Variants in WRN observed in about 807,000 individuals in gnomAD.
The protein encoded by WRN is bifunctional 3'-5' exonuclease/ATP-dependent helicase WRN.
WRN carries 149 observed loss-of-function variants against 180.7 expected under a neutral mutation model. The observed-to-expected ratio is 0.82, with a 90% CI of 0.72 to 0.94. The LOEUF (loss-of-function observed/expected upper bound fraction) is 0.94, where lower values mean the gene tolerates loss of function less well. WRN is among the 40% of genes least tolerant of loss of function. WRN has a pLI of 0.00. For synonymous variants in WRN, 548 were observed against 568.9 expected, an observed-to-expected ratio of 0.96 and a Z score of 0.52; for missense variants, 1,661 against 1,700.1, an observed-to-expected ratio of 0.98 and a Z score of 0.40.
At chr8:31,151,667 G>T (rs1469652885) in intron 31 of WRN, among the ~76,000 whole-genome samples, 10 of 152,074 alleles carry the variant, frequency 6.6e-5, no homozygotes, top group African/African-American at 2.4e-4. Context: ...ATGAATGAGT[G>T]ATCTCTCCTA....
rs148385320 is a variant in WRN, at chr8:31,100,919, C to T, written c.2052C>T (p.Phe684=). 9.9e-6 allele frequency: 16 copies of T among 1,613,844 alleles called. No homozygotes were observed. The highest frequency in any genetic ancestry group is 1.3e-5 in the Non-Finnish European group (15 of 1,179,878). The part of the protein sequence containing the change: ...SEWGHDFRDS[F]RKLGSLKTAL... ...GGGGGCATGATTTTAGGGATTCATT[C>T]AGGAAGTTGGGCTCCCTAAAGACAG... Residue 684 remains phenylalanine, a synonymous_variant, in exon 18 of 35, where the codon TTC becomes TTT. Transcript: ENST00000298139.
intron 18 of WRN, among the ~76,000 whole-genome samples, chr8:31,107,495 C>T (rs561073781): frequency 6.6e-6 from 1 of 152,210 alleles, no homozygotes; most frequent in African/African-American, 2.4e-5. Context: ...GCCTCCAGTG[C>T]GGGGAGGGTG....
At chr8:31,053,454 C>A (rs1431572138) in intron 1 of WRN, among the ~76,000 whole-genome samples, 21 of 152,180 alleles carry the variant, frequency 1.4e-4, no homozygotes, top group Admixed American at 1.4e-3. Flanking sequence ...ACAGTACCTT[C>A]TTTTCACCTT....
At chr8:31,122,210 C>T (rs1234533118) in intron 21 of WRN, among the ~76,000 whole-genome samples, 1 of 151,862 alleles carries the variant, frequency 6.6e-6, no homozygotes, top group Non-Finnish European at 1.5e-5. Context: ...TTGCATCAAT[C>T]CTGAGGAAAC....
chr8:31,167,128 T>C lies in WRN; in HGVS notation c.4089T>C (p.Leu1363=), dbSNP rs747026440. The change falls in exon 34 of 35, where the codon CTT becomes CTC. Residue 1363 remains leucine (L), a synonymous_variant. Transcript: ENST00000298139. ...TTAAACATGGTCCTGACAGCGGACT[T>C]CAACCTTCATGTGATGTCAACAAAA... ...EILKHGPDSG[L]QPSCDVNKRR... is the part of the protein sequence containing the mutation. 1.2e-6 allele frequency: 2 copies of C among 1,613,444 alleles called. No homozygotes were observed. The highest frequency in any genetic ancestry group is 1.7e-6 in the Non-Finnish European group (2 of 1,179,544).
intron 30 of WRN, among the ~76,000 whole-genome samples, chr8:31,147,815 T>A (rs1802922391): frequency 1.3e-5 from 2 of 152,110 alleles, no homozygotes; most frequent in Admixed American, 6.5e-5. Context: ...TTCCTAATGC[T>A]TAAAACCTCT....
intron 7 of WRN, among the ~76,000 whole-genome samples, chr8:31,073,922 CTT>C (rs1224688738): frequency 1.4e-5 from 2 of 144,262 alleles, no homozygotes; most frequent in Admixed American, 6.9e-5. Flanking sequence ...CCTTTTCTTT[CTT>C]TTTTTTTTTT....
chr8:31,070,513 A>G (rs1174797024), intron 7 of WRN, among the ~76,000 whole-genome samples: 1 of 152,056 alleles, frequency 6.6e-6, no homozygotes, highest in Non-Finnish European at 1.5e-5. Flanking sequence ...GCATTTTACG[A>G]TATGGGAATA....
At chr8:31,127,549 T>TC (rs35959292) in intron 23 of WRN, among the ~76,000 whole-genome samples, 148,966 of 152,186 alleles carry the variant, frequency 0.98, 72,997 homozygotes, top group East Asian at 1. Flanking sequence ...GACAAATACT[T>TC]CTTCACTAAG....
intron 1 of WRN, among the ~76,000 whole-genome samples, chr8:31,044,865 A>G (rs751388321): frequency 2.0e-5 from 3 of 152,194 alleles, no homozygotes; most frequent in Non-Finnish European, 4.4e-5. Flanking sequence ...TGCTTTTACA[A>G]AGGGATGTAA....
At chr8:31,117,017 G>A (rs1043562469) in intron 20 of WRN, among the ~76,000 whole-genome samples, 17 of 152,192 alleles carry the variant, frequency 1.1e-4, no homozygotes, top group African/African-American at 4.1e-4. Context: ...GGGTGGAACC[G>A]TTAGAGACTT....
chr8:31,169,175 C>G (rs1027568924), intron 34 of WRN, among the ~76,000 whole-genome samples: 1 of 151,638 alleles, frequency 6.6e-6, no homozygotes, highest in Non-Finnish European at 1.5e-5. Context: ...ACTTTTCATG[C>G]ATTCTTTTTA....
intron 18 of WRN, among the ~76,000 whole-genome samples, chr8:31,108,361 G>A (rs1011779221): frequency 7.9e-5 from 12 of 152,104 alleles, no homozygotes; most frequent in African/African-American, 2.9e-4. Context: ...TTGTTTTTAA[G>A]CTTCACTCTA....
At chr8:31,117,238 C>T (rs987379003) in intron 20 of WRN, among the ~76,000 whole-genome samples, 1 of 152,164 alleles carries the variant, frequency 6.6e-6, no homozygotes, top group Admixed American at 6.6e-5. Context: ...AAAGGAGGTA[C>T]AAGAGTCTCG....
chr8:31,134,057 A>G (rs1233893680), intron 24 of WRN, among the ~76,000 whole-genome samples: 2 of 152,168 alleles, frequency 1.3e-5, no homozygotes, highest in Non-Finnish European at 2.9e-5. Context: ...GTGAAATATT[A>G]CACTACCCTT....
At chr8:31,085,470 T>G (rs1490807708) in intron 11 of WRN, among the ~76,000 whole-genome samples, 6 of 144,710 alleles carry the variant, frequency 4.1e-5, no homozygotes, top group Non-Finnish European at 9.1e-5. Context: ...TGTTCCTTCT[T>G]TTTTTTTTTT....
rs62506094 is a variant in WRN, at chr8:31,133,508, G to C, written c.2967+1002G>C. On this transcript the variant is annotated intron_variant, in intron 24 of 34. Transcript: ENST00000298139. ...CCACTGCACTCCAGCCTGCGCGACA[G>C]AGCAAGATTCTGTCTCAATAAAAAA... is the stretch of plus-strand genomic sequence containing the variant. Among the ~76,000 whole-genome samples the C allele has an allele frequency of 5.1e-3, 774 of 151,232 alleles. 3 individuals are homozygous for C. Among genetic ancestry groups the C allele is most frequent in the Non-Finnish European group, 8.2e-3 (554 of 67,918 alleles).
chr8:31,068,126 G>C lies in WRN; in HGVS notation c.655-132G>C, dbSNP rs1585412906. 6 of 662,760 alleles carry C rather than the reference G, an allele frequency of 9.1e-6. No individual in the cohort carries two copies. The East Asian group carries it at 1.7e-4, about 18-fold the overall frequency. The allele number at this position is 662,760 out of a possible 1,614,324, so 41.1% of individuals were successfully genotyped here. A position where few individuals can be genotyped will look rare whatever the true frequency, so the allele number is the denominator to read the frequency against. The stretch of plus-strand genomic sequence containing the variant: ...TAAATGAGGACATATTGATATTTGT[G>C]TCACATAATAGGTTGAATTCCATGT... On this transcript the variant is annotated intron_variant, in intron 6 of 34. Transcript: ENST00000298139.
chr8:31,170,981 C>A (rs1195463611), intron 34 of WRN: 1 of 152,026 alleles, frequency 6.6e-6, no homozygotes, highest in East Asian at 1.9e-4. Flanking sequence ...AAGAAGAAAT[C>A]AGGATGTGTT....
Sources: allele counts gnomAD v4.1 joint callset (sites outside exome capture counted in the v4.1 genomes callset), GRCh38; gene constraint gnomAD v4.1.1; transcripts MANE v1.5; gene names NCBI Gene and HGNC (gene_info 2026-07-23, HGNC 2026-07-21).